Variants in PHACTR1 observed in about 807,000 individuals in gnomAD.
The protein encoded by PHACTR1 is RPEL repeat containing 1.
A neutral mutation model predicts 69.2 loss-of-function variants in PHACTR1; 16 were observed. The ratio of observed to expected loss-of-function variants is 0.23; its 90% CI spans 0.16 to 0.35. The LOEUF is 0.35. Ranked by LOEUF, PHACTR1 falls within the 10% of genes least tolerant of loss-of-function variation. The pLI is 1.00. For synonymous variants in PHACTR1, 312 were observed against 284.5 expected, an observed-to-expected ratio of 1.10 and a Z score of -0.97; for missense variants, 510 against 734.7, an observed-to-expected ratio of 0.69 and a Z score of 3.54.
chr6:13,152,744 TAAG>T (rs1486991644), intron 5 of PHACTR1, among the ~76,000 whole-genome samples: 5 of 152,172 alleles, frequency 3.3e-5, no homozygotes, highest in Admixed American at 6.5e-5. Flanking sequence ...GGCCAACAGA[TAAG>T]AAGACAACTG....
chr6:13,208,589 C>A (rs1049070325), intron 8 of PHACTR1, among the ~76,000 whole-genome samples: 1 of 151,976 alleles, frequency 6.6e-6, no homozygotes, highest in African/African-American at 2.4e-5. Flanking sequence ...TAACACACAG[C>A]TGCTTCCTAA....
At chr6:12,931,149 A>G (rs942388111) in intron 4 of PHACTR1, among the ~76,000 whole-genome samples, 1 of 152,162 alleles carries the variant, frequency 6.6e-6, no homozygotes, top group African/African-American at 2.4e-5. Flanking sequence ...CTTTTCTGTC[A>G]CATTAATAGC....
chr6:13,195,610 T>C (rs1764253981), intron 7 of PHACTR1, among the ~76,000 whole-genome samples: 1 of 151,644 alleles, frequency 6.6e-6, no homozygotes, highest in Non-Finnish European at 1.5e-5. Flanking sequence ...CTACAAAAAT[T>C]AGCTGGGCGT....
intron 4 of PHACTR1, among the ~76,000 whole-genome samples, chr6:12,765,566 TCC>T (rs1272990344): frequency 5.3e-5 from 8 of 152,182 alleles, no homozygotes; most frequent in African/African-American, 1.7e-4. Context: ...ATATATCTGG[TCC>T]TTGATTTATT....
At chr6:12,823,447 A>G (rs192605571) in intron 4 of PHACTR1, among the ~76,000 whole-genome samples, 1 of 152,350 alleles carries the variant, frequency 6.6e-6, no homozygotes, top group East Asian at 1.9e-4. Flanking sequence ...AAAATCAATA[A>G]GACTCGTGGA....
intron 4 of PHACTR1, among the ~76,000 whole-genome samples, chr6:13,009,073 C>T (rs890998869): frequency 1.3e-5 from 2 of 152,144 alleles, no homozygotes; most frequent in South Asian, 2.1e-4. Flanking sequence ...CTCCCATCTC[C>T]GAGTCCATCT....
chr6:13,217,342 G>A (rs888376167), intron 8 of PHACTR1, among the ~76,000 whole-genome samples: 1 of 152,204 alleles, frequency 6.6e-6, no homozygotes, highest in Non-Finnish European at 1.5e-5. Flanking sequence ...GCACCATTCT[G>A]CTGACTCTCT....
chr6:13,208,301 T>C (rs1162868037), intron 8 of PHACTR1, among the ~76,000 whole-genome samples: 1 of 152,202 alleles, frequency 6.6e-6, no homozygotes, highest in African/African-American at 2.4e-5. Flanking sequence ...ACCACGTAAG[T>C]GCAGACATTG....
chr6:12,960,515 G>A (rs1041617058), intron 4 of PHACTR1, among the ~76,000 whole-genome samples: 4 of 152,150 alleles, frequency 2.6e-5, no homozygotes, highest in African/African-American at 9.7e-5. Context: ...GCCACAGAGG[G>A]CATCAGTGGC....
At chr6:12,973,916 ATTTTTT>A (rs33948457) in intron 4 of PHACTR1, among the ~76,000 whole-genome samples, 5 of 92,866 alleles carry the variant, frequency 5.4e-5, no homozygotes, top group African/African-American at 1.3e-4. Flanking sequence ...AGAGGCTGGG[ATTTTTT>A]TTTTTTTTTT....
intron 11 of PHACTR1, 87 bp downstream of exon 11, chr6:13,273,002 C>A: frequency 1.3e-6 from 2 of 1,541,900 alleles, no homozygotes; most frequent in Admixed American, 1.9e-5. Context: ...TTCTACCTTG[C>A]GCCTCTGCGG....
intron 10 of PHACTR1, among the ~76,000 whole-genome samples, chr6:13,234,455 T>A (rs2127352909): frequency 6.6e-6 from 1 of 152,258 alleles, no homozygotes; most frequent in East Asian, 1.9e-4. Context: ...TGTGGCCAAG[T>A]CTGTGGTCCT....
At chr6:12,980,241 T>C (rs1381831914) in intron 4 of PHACTR1, among the ~76,000 whole-genome samples, 2 of 152,192 alleles carry the variant, frequency 1.3e-5, no homozygotes, top group African/African-American at 2.4e-5. Context: ...TGTGTACGTG[T>C]GCATGTGTGC....
chr6:12,723,488 CTTTTTTT>C (rs1180252640), intron 3 of PHACTR1, among the ~76,000 whole-genome samples: 9 of 128,162 alleles, frequency 7.0e-5, no homozygotes, highest in Non-Finnish European at 1.3e-4. Flanking sequence ...TTGGCCTTTT[CTTTTTTT>C]TTTTTTTTTT....
At chr6:13,086,083 T>TAAAAAAAAAAAAAAAAAAAAA (rs776154642) in intron 5 of PHACTR1, among the ~76,000 whole-genome samples, 2 of 60,266 alleles carry the variant, frequency 3.3e-5, no homozygotes, top group Non-Finnish European at 5.9e-5. Flanking sequence ...TACACATTTC[T>TAAAAAAAAAAAAAAAAAAAAA]AAAAAAAAAA....
At chr6:13,171,216 G>A (rs1185519921) in intron 6 of PHACTR1, among the ~76,000 whole-genome samples, 1 of 140,700 alleles carries the variant, frequency 7.1e-6, no homozygotes, top group African/African-American at 2.6e-5. Flanking sequence ...ATCCACTGAA[G>A]GCTCAGGACT....
intron 4 of PHACTR1, among the ~76,000 whole-genome samples, chr6:12,844,372 G>A (rs1242523876): frequency 6.6e-6 from 1 of 152,026 alleles, no homozygotes; most frequent in African/African-American, 2.4e-5. Context: ...ACTCCATCCT[G>A]AGTGACAGAG....
intron 4 of PHACTR1, among the ~76,000 whole-genome samples, chr6:12,885,293 G>A (rs1489660879): frequency 6.6e-6 from 1 of 152,214 alleles, no homozygotes; most frequent in Non-Finnish European, 1.5e-5. Flanking sequence ...ACTTCTGGGG[G>A]AAGGCTGTCC....
At chr6:12,957,814 G>A (rs976963164) in intron 4 of PHACTR1, 1 of 985,462 alleles carries the variant, frequency 1.0e-6, no homozygotes, top group African/African-American at 1.7e-5. Flanking sequence ...CATCCCACGT[G>A]GGAGCTGGTC....
Sources: allele counts gnomAD v4.1 joint callset (sites outside exome capture counted in the v4.1 genomes callset), GRCh38; gene constraint gnomAD v4.1.1; transcripts MANE v1.5; gene names NCBI Gene and HGNC (gene_info 2026-07-23, HGNC 2026-07-21).